The following STEEP1 variants were observed in gnomAD, a reference collection of about 807,000 sequenced individuals.
STEEP1 encodes STING1 ER exit protein 1.
STEEP1 carries 3 observed loss-of-function variants against 19.2 expected under a neutral mutation model. The ratio of observed to expected loss-of-function variants is 0.16; its 90% CI spans 0.07 to 0.40. The LOEUF is 0.40. Ranked by LOEUF, STEEP1 falls within the 10% of genes least tolerant of loss-of-function variation. The pLI is 0.99. For missense variants in STEEP1, 54 were observed against 177.1 expected, an observed-to-expected ratio of 0.30 and a Z score of 3.94; for synonymous variants, 46 against 63.7, an observed-to-expected ratio of 0.72 and a Z score of 1.32.
chrX:119,546,423 G>A (rs6655440), intron 2 of STEEP1, among the ~76,000 whole-genome samples: 1,991 of 85,681 alleles, frequency 0.023, 57 homozygotes, highest in African/African-American at 0.088. Flanking sequence ...CCTGGGTGAC[G>A]GAACGAGACT....
At chrX:119,551,227 T>C (rs1413619356) in intron 2 of STEEP1, among the ~76,000 whole-genome samples, 1 of 110,364 alleles carries the variant, frequency 9.1e-6, no homozygotes, top group Non-Finnish European at 1.9e-5. Flanking sequence ...ACACCTGTAA[T>C]CCCAGCACTC....
At chrX:119,557,155 C>CAAAAAAAAAA (rs61087266) in intron 2 of STEEP1, among the ~76,000 whole-genome samples, 14 of 47,748 alleles carry the variant, frequency 2.9e-4, no homozygotes, top group East Asian at 8.4e-4. Context: ...GACTCTATCT[C>CAAAAAAAAAA]AAAAAAAAAA....
intron 2 of STEEP1, among the ~76,000 whole-genome samples, chrX:119,558,034 G>A (rs1443491856): frequency 9.0e-6 from 1 of 110,539 alleles, no homozygotes; most frequent in Non-Finnish European, 1.9e-5. Flanking sequence ...AGCCTCCCGA[G>A]TAGCTGGGAT....
At chrX:119,558,594 G>C (rs1469108023) in intron 2 of STEEP1, among the ~76,000 whole-genome samples, 2 of 111,677 alleles carry the variant, frequency 1.8e-5, no homozygotes, top group Non-Finnish European at 3.8e-5. Context: ...ATAGTACCTG[G>C]AACATAGTAG....
At chrX:119,563,666 C>T (rs149267317) in intron 1 of STEEP1, among the ~76,000 whole-genome samples, 6,987 of 111,091 alleles carry the variant, frequency 0.063, 175 homozygotes, top group South Asian at 0.096. Context: ...GCTGAGACCG[C>T]GCCACAGCAC....
At chrX:119,564,093 T>C (rs2053340070) in intron 1 of STEEP1, among the ~76,000 whole-genome samples, 1 of 111,170 alleles carries the variant, frequency 9.0e-6, no homozygotes, top group South Asian at 3.7e-4. Context: ...AGCTTGGGAA[T>C]GAATGAGATC....
intron 4 of STEEP1, among the ~76,000 whole-genome samples, chrX:119,543,359 G>A (rs2147346490): frequency 9.3e-6 from 1 of 107,729 alleles, no homozygotes; most frequent in South Asian, 4.1e-4. Context: ...AGCTAATTTT[G>A]TATTTTTAGT....
At chrX:119,558,316 C>T (rs189035810) in intron 2 of STEEP1, among the ~76,000 whole-genome samples, 109 of 110,923 alleles carry the variant, frequency 9.8e-4, no homozygotes, top group African/African-American at 3.4e-3. Context: ...AGACAGACCA[C>T]GAGGTCAGGA....
chrX:119,558,830 T>A (rs1603306788), intron 2 of STEEP1, among the ~76,000 whole-genome samples: 1 of 110,752 alleles, frequency 9.0e-6, no homozygotes, highest in Middle Eastern at 4.6e-3. Context: ...TGCTCCACAC[T>A]CTGTAATTTT....
intron 2 of STEEP1, among the ~76,000 whole-genome samples, chrX:119,551,583 G>A (rs2053241910): frequency 9.0e-6 from 1 of 111,335 alleles, no homozygotes; most frequent in Non-Finnish European, 1.9e-5. Context: ...GAGGAACGAG[G>A]AAGCGGGCAG....
Position 119,544,342 on chromosome X carries a change from A to G in STEEP1, c.423+11T>C, listed in dbSNP as rs770441157. ...GCTATATTAAGCAGTCTCTCCTTCA[A>G]TGGTAATTACCTTCTTAGGAGGCTC... On this transcript the variant is annotated intron_variant, in intron 4 of 6. Coordinates refer to ENST00000644802, the MANE Select transcript of STEEP1 (RefSeq NM_022101.4). The G allele has an allele frequency of 8.3e-6, 10 of 1,199,293 alleles. No individual in the cohort carries two copies. The highest frequency in any genetic ancestry group is 2.6e-4 in the Middle Eastern group (1 of 3,842).
chrX:119,558,701 T>TC (rs931966914), intron 2 of STEEP1, among the ~76,000 whole-genome samples: 3 of 110,944 alleles, frequency 2.7e-5, no homozygotes, highest in Non-Finnish European at 3.8e-5. Context: ...CTGCTGACCG[T>TC]CCCCTAGCCA....
chrX:119,554,808 C>T, intron 2 of STEEP1, among the ~76,000 whole-genome samples: 1 of 111,086 alleles, frequency 9.0e-6, no homozygotes, highest in East Asian at 2.8e-4. Context: ...GACTCTCCAG[C>T]CCTAATCAAG....
chrX:119,556,322 G>A (rs1453763487), intron 2 of STEEP1, among the ~76,000 whole-genome samples: 1 of 110,638 alleles, frequency 9.0e-6, no homozygotes, highest in African/African-American at 3.3e-5. Flanking sequence ...GTCAGAGTAC[G>A]CCTGTAATCC....
chrX:119,542,037 CAG>C (rs2053164162), intron 5 of STEEP1, among the ~76,000 whole-genome samples: 1 of 100,478 alleles, frequency 1.0e-5, no homozygotes, highest in Non-Finnish European at 2.0e-5. Context: ...GGCTCACTGT[CAG>C]AGTTTCTTTT....
At position 119,565,305 on chromosome X, in the gene STEEP1, C is replaced by T. The variant is rs759441709; in HGVS notation, c.51G>A (p.Arg17=). ...GCTTCTCGCCGTCGTCATATTCCTC[C>T]CGGTCCCGAGTGTCAGAGCAGACTA... ...RSVVCSDTRD[R]EEYDDGEKPL... Residue 17 remains arginine (R), a synonymous_variant, in exon 1 of 7, where the codon CGG becomes CGA. Transcript: ENST00000644802. The T allele has an allele frequency of 8.3e-6, 10 of 1,210,441 alleles. No individual in the cohort carries two copies. Among genetic ancestry groups the T allele is most frequent in the Admixed American group, 2.2e-5 (1 of 45,904 alleles).
chrX:119,553,721 T>C (rs1357202463), intron 2 of STEEP1, among the ~76,000 whole-genome samples: 1 of 111,685 alleles, frequency 9.0e-6, no homozygotes, highest in African/African-American at 3.3e-5. Context: ...AGATTCACCA[T>C]ACAGAGAATG....
At chrX:119,553,086 G>A (rs748015534) in intron 2 of STEEP1, among the ~76,000 whole-genome samples, 9 of 107,182 alleles carry the variant, frequency 8.4e-5, no homozygotes, top group African/African-American at 1.4e-4. Context: ...CCTGGGAGGC[G>A]GAGGTTACAG....
At chrX:119,552,392 T>A (rs1416312969) in intron 2 of STEEP1, among the ~76,000 whole-genome samples, 3 of 112,325 alleles carry the variant, frequency 2.7e-5, no homozygotes, top group African/African-American at 9.7e-5. Context: ...CACGACCCCC[T>A]CTTTGGGTTC....
Sources: gnomAD v4.1 joint callset for allele counts (sites outside exome capture counted in the v4.1 genomes callset) on GRCh38, gnomAD v4.1.1 for gene constraint, MANE v1.5 for transcripts, NCBI Gene and HGNC (gene_info 2026-07-23, HGNC 2026-07-21) for gene names.